ACOT7: variants seen among roughly 807,000 people sequenced by gnomAD.
ACOT7 encodes cytosolic acyl coenzyme A thioester hydrolase.
A neutral mutation model predicts 40.2 loss-of-function variants in ACOT7; 12 were observed. The ratio of observed to expected loss-of-function variants is 0.30; its 90% CI spans 0.19 to 0.48. The LOEUF is 0.48. Ranked by LOEUF, ACOT7 falls within the 20% of genes least tolerant of loss-of-function variation. ACOT7 has a pLI of 0.99. For missense variants in ACOT7, 395 were observed against 530.8 expected, an observed-to-expected ratio of 0.74 and a Z score of 2.51; for synonymous variants, 228 against 219.5, an observed-to-expected ratio of 1.04 and a Z score of -0.34.
At chr1:6,331,493 CTT>C (rs572018312) in intron 4 of ACOT7, among the ~76,000 whole-genome samples, 7 of 152,234 alleles carry the variant, frequency 4.6e-5, no homozygotes, top group Non-Finnish European at 7.4e-5. Flanking sequence ...TACCTTTGCA[CTT>C]CTGGCCTCCA....
At chr1:6,385,445 G>A in intron 1 of ACOT7, 3 of 1,569,138 alleles carry the variant, frequency 1.9e-6, no homozygotes, top group Non-Finnish European at 2.6e-6. Flanking sequence ...TGCCCAGTCG[G>A]CGTCGCAAGT....
intron 8 of ACOT7, among the ~76,000 whole-genome samples, chr1:6,273,519 G>A (rs541978668): frequency 1.2e-4 from 19 of 152,300 alleles, no homozygotes; most frequent in African/African-American, 4.6e-4. Flanking sequence ...CATGACTCAC[G>A]CCTGTGGGCT....
chr1:6,333,407 C>T, intron 4 of ACOT7, 70 bp downstream of exon 4: 1 of 1,563,460 alleles, frequency 6.4e-7, no homozygotes, highest in Non-Finnish European at 8.8e-7. Context: ...GAACGAGCCT[C>T]CCAACATCAG....
intron 1 of ACOT7, among the ~76,000 whole-genome samples, chr1:6,384,995 T>C (rs1337365280): frequency 6.6e-6 from 1 of 151,850 alleles, no homozygotes; most frequent in Non-Finnish European, 1.5e-5. Context: ...AGAGTTTCTG[T>C]AAAGTTTAGG....
At chr1:6,273,451 C>T (rs1235406834) in intron 8 of ACOT7, among the ~76,000 whole-genome samples, 1 of 152,176 alleles carries the variant, frequency 6.6e-6, no homozygotes, top group African/African-American at 2.4e-5. Flanking sequence ...CCGCTAAATG[C>T]AGGCAAAAGG....
chr1:6,385,163 CCAGCTGCCAGCTGTGAGCCAGCA>C (rs1642413640), intron 1 of ACOT7, among the ~76,000 whole-genome samples: 1 of 151,914 alleles, frequency 6.6e-6, no homozygotes, highest in African/African-American at 2.4e-5. Flanking sequence ...GGCACGGATG[CCAGCTGCCAGCTGTGAGCCAGCA>C]CAGCTGCTGG....
At chr1:6,270,453 G>C (rs1394334221) in intron 8 of ACOT7, among the ~76,000 whole-genome samples, 1 of 152,212 alleles carries the variant, frequency 6.6e-6, no homozygotes, top group Non-Finnish European at 1.5e-5. Flanking sequence ...GCCTCAGGCA[G>C]GCTCCTCCGA....
At chr1:6,335,600 G>A (rs1336651609) in intron 3 of ACOT7, among the ~76,000 whole-genome samples, 1 of 152,144 alleles carries the variant, frequency 6.6e-6, no homozygotes, top group Non-Finnish European at 1.5e-5. Context: ...GCAGCCCCAG[G>A]GCCCTGCCCA....
chr1:6,295,407 G>A (rs925640232), intron 6 of ACOT7: 7 of 163,376 alleles, frequency 4.3e-5, no homozygotes, highest in Middle Eastern at 3.2e-3. Context: ...TTGAAGTTTC[G>A]CAAGAGGATA....
At chr1:6,356,508 C>T (rs542092268) in intron 1 of ACOT7, among the ~76,000 whole-genome samples, 83 of 152,298 alleles carry the variant, frequency 5.4e-4, no homozygotes, top group Non-Finnish European at 8.1e-4. Context: ...CCTGGACAGG[C>T]CCCTGTGCGG....
chr1:6,382,964 C>T lies in ACOT7; in HGVS notation c.143+10293G>A, dbSNP rs913855359. On this transcript the variant is annotated intron_variant, in intron 1 of 8. Transcript: ENST00000361521. ...CACGATCTTGGATCACTGCAACCTC[C>T]GCCTCCCAGGTTCAAGTGATTCTCC... 4.0e-5 allele frequency among the ~76,000 whole-genome samples: 6 copies of T among 151,686 alleles called. No individual in the cohort carries two copies. In the South Asian group the frequency reaches 6.2e-4, roughly 16 times the overall value.
At position 6,306,127 on chromosome 1, in the gene ACOT7, A is replaced by G. The variant is rs80321595; in HGVS notation, c.713-11147T>C. ...TCAGGCAGGGAGGTTGCAGTGAGCC[A>G]AGATGGCAGCAGCACAGTCCAGCTT... is the stretch of plus-strand genomic sequence containing the variant. On this transcript the variant is annotated intron_variant, in intron 6 of 8. Transcript: ENST00000361521. This position sits in a 1 kb window ranked among gnomAD's most constrained non-coding sequence, Gnocchi z 4.3. 3.8e-5 allele frequency: 23 copies of G among 610,886 alleles called. No individual in the cohort carries two copies. The highest frequency in any genetic ancestry group is 1.4e-4 in the East Asian group (1 of 7,062). 37.8% of individuals were successfully genotyped at this position (610,886 alleles called of 1,614,324 possible).
At position 6,278,843 on chromosome 1, in the gene ACOT7, T is replaced by C. The variant is rs942180549; in HGVS notation, c.1014+2259A>G. The stretch of plus-strand genomic sequence containing the variant: ...AGGCTTCACTGAGGGCCTGGTCAGC[T>C]GTGCTACAGACAGGGAGCGGACAGC... On this transcript the variant is annotated intron_variant, in intron 8 of 8. Transcript: ENST00000361521. This position sits in a 1 kb window ranked among gnomAD's most constrained non-coding sequence, Gnocchi z 4.1. 2.0e-5 allele frequency among the ~76,000 whole-genome samples: 3 copies of C among 152,158 alleles called. No homozygotes were observed. Among genetic ancestry groups the C allele is most frequent in the African/African-American group, 7.2e-5 (3 of 41,414 alleles).
At position 6,393,327 on chromosome 1, in the gene ACOT7, C is replaced by A. The variant is rs957333797; in HGVS notation, c.73G>T (p.Ala25Ser). 9 of 1,263,820 alleles carry A rather than the reference C, an allele frequency of 7.1e-6. No individual in the cohort carries two copies. The highest frequency in any genetic ancestry group is 7.0e-6 in the Non-Finnish European group (7 of 1,004,838). The allele number at this position is 1,263,820 out of a possible 1,614,324, so 78.3% of individuals were successfully genotyped here. Residue 25 changes from alanine to serine, a missense_variant, in exon 1 of 9, where the codon GCA (alanine) becomes TCA (serine). Ala to Ser is a moderately conservative substitution (Grantham distance 99, BLOSUM62 1). Around this residue, in one of 2 missense-constraint regions of ACOT7, gnomAD observed 86 missense variants for 60.5 expected, o/e 1.42. Transcript: ENST00000361521. ...DTCALLQPPAASAAAAPSMSG... is the reference protein window; with the variant it reads ...DTCALLQPPASSAAAAPSMSG... Reference sequence around the variant, plus strand: ...ATGCTGGGGGCTGCGGCGGCGGATGCGGCGGGCGGCTGCAGAAGGGCGCAG... The same window carrying A: ...ATGCTGGGGGCTGCGGCGGCGGATGAGGCGGGCGGCTGCAGAAGGGCGCAG...
chr1:6,287,598 G>C (rs1235025948), intron 7 of ACOT7, among the ~76,000 whole-genome samples: 1 of 152,192 alleles, frequency 6.6e-6, no homozygotes, highest in Non-Finnish European at 1.5e-5. Context: ...TGAAGTAGTT[G>C]TTGAGCCTGC....
At chr1:6,333,601 C>T (rs760437405) in intron 3 of ACOT7, 33 bp from the exon 4 acceptor site, 5 of 1,609,298 alleles carry the variant, frequency 3.1e-6, no homozygotes, top group Admixed American at 1.7e-5. Context: ...AAGTGACGCC[C>T]GGGAGACGGG....
At chr1:6,331,846 G>A (rs993177513) in intron 4 of ACOT7, among the ~76,000 whole-genome samples, 3 of 152,338 alleles carry the variant, frequency 2.0e-5, no homozygotes, top group Admixed American at 6.5e-5. Context: ...GCCCTCTGAG[G>A]AGACCCTGGC....
intron 2 of ACOT7, among the ~76,000 whole-genome samples, chr1:6,346,025 C>T (rs1409216979): frequency 6.6e-6 from 1 of 152,218 alleles, no homozygotes; most frequent in Non-Finnish European, 1.5e-5. Context: ...CCACTCTGTA[C>T]AAGCACAGCA....
chr1:6,353,305 T>C (rs960475692), intron 1 of ACOT7, among the ~76,000 whole-genome samples: 2 of 150,934 alleles, frequency 1.3e-5, no homozygotes, highest in African/African-American at 4.9e-5. Flanking sequence ...GGCAACAGAG[T>C]GAGATGCTGT....
Sources: allele counts gnomAD v4.1 joint callset (sites outside exome capture counted in the v4.1 genomes callset), GRCh38; gene constraint gnomAD v4.1.1; regional missense constraint gnomAD v4.1.1; non-coding constraint Gnocchi (gnomAD v3.1); transcripts MANE v1.5; gene names NCBI Gene and HGNC (gene_info 2026-07-23, HGNC 2026-07-21).